The following USP32 variants were observed in gnomAD, a reference collection of about 807,000 sequenced individuals.
USP32 encodes ubiquitin specific peptidase 32.
USP32 carries 59 observed loss-of-function variants against 204.8 expected under a neutral mutation model. The ratio of observed to expected loss-of-function variants is 0.29; its 90% CI spans 0.23 to 0.36. The LOEUF (loss-of-function observed/expected upper bound fraction) is 0.36. Among genes scored for constraint, USP32 ranks in the 10% least tolerant of loss-of-function variants. The probability of loss-of-function intolerance (pLI) is 1.00; values close to 1 mark genes in which losing one functional copy is unlikely to be tolerated. For missense variants in USP32, 1,160 were observed against 1,946.4 expected (o/e 0.60, Z 7.60); for synonymous variants, 517 against 678.4 (o/e 0.76, Z 3.70).
At chr17:60,404,897 T>C (rs1465651644) in intron 1 of USP32, among the ~76,000 whole-genome samples, 1 of 151,968 alleles carries the variant, frequency 6.6e-6, no homozygotes, top group Non-Finnish European at 1.5e-5. Context: ...GCTGTTTGGG[T>C]GGGTGCGATG....
At chr17:60,373,443 A>ATTT (rs138532417) in intron 1 of USP32, among the ~76,000 whole-genome samples, 3 of 135,854 alleles carry the variant, frequency 2.2e-5, no homozygotes, top group Non-Finnish European at 4.7e-5. Context: ...GCTTACTGTA[A>ATTT]TTTTTTTTTT....
intron 2 of USP32, among the ~76,000 whole-genome samples, chr17:60,304,660 T>C (rs559274681): frequency 4.3e-4 from 65 of 152,252 alleles, no homozygotes; most frequent in African/African-American, 1.5e-3. Flanking sequence ...GAGAAAGGAA[T>C]TGGAAGTATA....
intron 1 of USP32, among the ~76,000 whole-genome samples, chr17:60,371,707 C>A (rs1290285491): frequency 6.6e-6 from 1 of 152,142 alleles, no homozygotes; most frequent in Non-Finnish European, 1.5e-5. Flanking sequence ...GATGGCTAAA[C>A]TGAAAGACTG....
intron 1 of USP32, among the ~76,000 whole-genome samples, chr17:60,377,108 A>C (rs2677144): frequency 2.0e-5 from 3 of 152,082 alleles, no homozygotes; most frequent in Admixed American, 6.6e-5. Flanking sequence ...TACTCTCTCT[A>C]TATATATGCC....
chr17:60,389,644 T>C (rs1317946496), intron 1 of USP32, among the ~76,000 whole-genome samples: 1 of 151,956 alleles, frequency 6.6e-6, no homozygotes, highest in Non-Finnish European at 1.5e-5. Flanking sequence ...GGGCTTCTGG[T>C]TTACATTTAG....
At chr17:60,278,057 C>T (rs1355349370) in intron 5 of USP32, among the ~76,000 whole-genome samples, 2 of 151,730 alleles carry the variant, frequency 1.3e-5, no homozygotes, top group Non-Finnish European at 2.9e-5. Context: ...TACGCATGTG[C>T]TACCACATCC....
chr17:60,242,109 G>GT (rs2085893589), intron 11 of USP32, among the ~76,000 whole-genome samples: 1 of 152,192 alleles, frequency 6.6e-6, no homozygotes, highest in African/African-American at 2.4e-5. Context: ...CTCCTGCACC[G>GT]TTTTTTGTTT....
intron 1 of USP32, among the ~76,000 whole-genome samples, chr17:60,361,332 C>T (rs531106433): frequency 6.6e-6 from 1 of 152,200 alleles, no homozygotes; most frequent in Admixed American, 6.5e-5. Context: ...AAACTTACAG[C>T]GGTTAGCATA....
At chr17:60,252,716 A>G (rs991595535) in intron 10 of USP32, among the ~76,000 whole-genome samples, 2 of 152,218 alleles carry the variant, frequency 1.3e-5, no homozygotes, top group Admixed American at 6.5e-5. Flanking sequence ...AGGGGAAGAC[A>G]TTACCTCAGG....
At chr17:60,266,753 T>C (rs1202513341) in intron 7 of USP32, among the ~76,000 whole-genome samples, 2 of 151,840 alleles carry the variant, frequency 1.3e-5, no homozygotes, top group South Asian at 4.2e-4. Flanking sequence ...CCTCCCGGGT[T>C]CAAGCAATTC....
In USP32 at chr17:60,177,588, C is replaced by T. The variant is rs2083997564; in HGVS notation, c.*1667G>A. Among the ~76,000 whole-genome samples, 1 of 152,166 alleles carries T rather than the reference C, an allele frequency of 6.6e-6. No individual in the cohort carries two copies. ...TAAAGAAATTATTTAAAATCTTCCA[C>T]TTTTTAATGGGAATGGACAGATTTT... On this transcript the variant is annotated 3_prime_UTR_variant, in exon 34 of 34. Coordinates refer to ENST00000300896, the MANE Select transcript of USP32 (RefSeq NM_032582.4).
At position 60,279,507 on chromosome 17, in the gene USP32, T is replaced by C. The variant is rs189648278; in HGVS notation, c.572-8026A>G. ...AAAAAAAAAGAAAAAAAAAACCTTA[T>C]CTATATTTCACAAGTAATTTTACAA... On this transcript the variant is annotated intron_variant, in intron 5 of 33. Transcript: ENST00000300896. Among the ~76,000 whole-genome samples the C allele has an allele frequency of 7.4e-4, 112 of 150,766 alleles. 2 individuals carry two copies. Among genetic ancestry groups the C allele is most frequent in the South Asian group, 4.6e-3 (22 of 4,774 alleles).
chr17:60,192,623 C>T (rs370586600), intron 28 of USP32, among the ~76,000 whole-genome samples: 6 of 152,032 alleles, frequency 3.9e-5, no homozygotes, highest in South Asian at 2.1e-4. Context: ...TTAGTAGAGA[C>T]GAGGTTTTAC....
Position 60,181,361 on chromosome 17 carries a change from G to C in USP32, c.4511C>G (p.Thr1504Ser). 1 of 1,613,578 alleles carries C rather than the reference G, an allele frequency of 6.2e-7. No individual in the cohort carries two copies. ...TAGATTATAAATAGGCTTAATACGA[G>C]TATCTTCTCTTTGGTCATCAGTGCT... ...EDSTDDQRED[T>S]RIKPIYNLYA... Residue 1504 changes from threonine to serine, a missense_variant, in exon 32 of 34, where the codon ACT becomes AGT. This residue lies in a region of USP32 where 244 missense variants were observed against 342.3 expected (regional missense o/e 0.71). Coordinates refer to ENST00000300896, the MANE Select transcript of USP32 (RefSeq NM_032582.4).
At chr17:60,326,485 A>G (rs2088242617) in intron 2 of USP32, among the ~76,000 whole-genome samples, 1 of 151,792 alleles carries the variant, frequency 6.6e-6, no homozygotes, top group South Asian at 2.1e-4. Context: ...TAATTTTTGT[A>G]TTTTTGGTAG....
At chr17:60,339,293 G>A (rs747126409) in intron 2 of USP32, among the ~76,000 whole-genome samples, 14 of 151,790 alleles carry the variant, frequency 9.2e-5, no homozygotes, top group Non-Finnish European at 2.1e-4. Context: ...GTGCTAAAAG[G>A]TATAAATGGC....
chr17:60,330,187 A>C (rs1262196191), intron 2 of USP32, among the ~76,000 whole-genome samples: 1 of 152,156 alleles, frequency 6.6e-6, no homozygotes, highest in Admixed American at 6.5e-5. Context: ...ACTAGGTTTC[A>C]AGTCAAAATT....
intron 18 of USP32, among the ~76,000 whole-genome samples, chr17:60,212,483 T>C (rs1307538086): frequency 6.6e-6 from 1 of 152,178 alleles, no homozygotes; most frequent in Non-Finnish European, 1.5e-5. Flanking sequence ...TATAATCTTA[T>C]GGGACCACTG....
intron 1 of USP32, among the ~76,000 whole-genome samples, chr17:60,412,913 C>T (rs968240139): frequency 6.6e-6 from 1 of 152,140 alleles, no homozygotes; most frequent in South Asian, 2.1e-4. Flanking sequence ...GACAAGATCA[C>T]AGACGCTTGC....
Sources: allele counts gnomAD v4.1 joint callset (sites outside exome capture counted in the v4.1 genomes callset), GRCh38; gene constraint gnomAD v4.1.1; regional missense constraint gnomAD v4.1.1; transcripts MANE v1.5; gene names NCBI Gene and HGNC (gene_info 2026-07-23, HGNC 2026-07-21).